ASB3: variants seen among roughly 807,000 people sequenced by gnomAD.
ASB3 encodes the protein ankyrin repeat and SOCS box protein 3.
A neutral mutation model predicts 54.5 loss-of-function variants in ASB3; 41 were observed. That is an observed-to-expected ratio of 0.75 (90% CI 0.59 to 0.98). ASB3 has a LOEUF of 0.98. Among genes scored for constraint, ASB3 ranks in the 50% least tolerant of loss-of-function variants. The probability of loss-of-function intolerance (pLI) is 0.00; values close to 1 mark genes in which losing one functional copy is unlikely to be tolerated. For missense variants in ASB3, 733 were observed against 620.0 expected (o/e 1.18, Z -1.94); for synonymous variants, 266 against 221.2 (o/e 1.20, Z -1.80).
intron 1 of ASB3, chr2:53,771,852 C>G: frequency 1.1e-6 from 1 of 943,906 alleles, no homozygotes; most frequent in East Asian, 2.4e-5. Context: ...TAATGCTCAG[C>G]TACTTAATGA....
In ASB3 at chr2:53,756,362, T is replaced by C. The variant is rs79139007; in HGVS notation, c.197-5421A>G. The stretch of plus-strand genomic sequence containing the variant: ...TTAAGCTAGTTTGAACTAGGTTTCT[T>C]TCACTCAGTACTGAAAGAATCCTGA... On this transcript the variant is annotated intron_variant, in intron 2 of 9. Transcript: ENST00000263634. Among the ~76,000 whole-genome samples the C allele has an allele frequency of 5.1e-3, 772 of 152,280 alleles. 7 individuals carry two copies. Among genetic ancestry groups the C allele is most frequent in the African/African-American group, 0.018 (732 of 41,556 alleles).
intron 5 of ASB3, among the ~76,000 whole-genome samples, chr2:53,718,745 C>T (rs1371592842): frequency 1.3e-5 from 2 of 150,302 alleles, no homozygotes; most frequent in Non-Finnish European, 3.0e-5. Context: ...CTAAAAGGCA[C>T]ACAGCTGCAA....
intron 3 of ASB3, among the ~76,000 whole-genome samples, chr2:53,750,416 T>A (rs1672452132): frequency 6.6e-6 from 1 of 152,124 alleles, no homozygotes; most frequent in South Asian, 2.1e-4. Flanking sequence ...AGCTTCTTAA[T>A]TTTTTAATGT....
At chr2:53,776,269 C>T (rs141726478) in intron 1 of ASB3, among the ~76,000 whole-genome samples, 104 of 152,228 alleles carry the variant, frequency 6.8e-4, no homozygotes, top group African/African-American at 2.4e-3. Context: ...GTTTTCCAGA[C>T]GGCATTTCAC....
At chr2:53,694,134 A>T (rs1669062458) in intron 8 of ASB3, 120 bp from the exon 9 acceptor site, 2 of 1,146,808 alleles carry the variant, frequency 1.7e-6, no homozygotes, top group African/African-American at 3.2e-5. Flanking sequence ...ACAGAAAACC[A>T]GGGCATGTTA....
At chr2:53,733,448 T>A (rs534053125) in intron 3 of ASB3, among the ~76,000 whole-genome samples, 45 of 147,890 alleles carry the variant, frequency 3.0e-4, no homozygotes, top group African/African-American at 1.0e-3. Context: ...CCACTTCCTT[T>A]TTTTTTTTTT....
chr2:53,677,631 C>T (rs191172167), intron 9 of ASB3, among the ~76,000 whole-genome samples: 41 of 152,246 alleles, frequency 2.7e-4, no homozygotes, highest in Admixed American at 2.6e-4. Flanking sequence ...ACATGAGTTT[C>T]CCCAATGGTC....
chr2:53,721,398 C>CAAAAAA (rs1195017138), intron 5 of ASB3, among the ~76,000 whole-genome samples: 7 of 87,354 alleles, frequency 8.0e-5, no homozygotes, highest in Non-Finnish European at 1.4e-4. Flanking sequence ...TACTAAACTA[C>CAAAAAA]AAAAAAAAAA....
intron 1 of ASB3, among the ~76,000 whole-genome samples, chr2:53,771,237 G>A (rs189468321): frequency 2.6e-5 from 4 of 152,254 alleles, no homozygotes; most frequent in Non-Finnish European, 4.4e-5. Context: ...ACTATAGGCC[G>A]GGTGCGGTGG....
Position 53,753,616 on chromosome 2 carries a change from C to A in ASB3, c.197-2675G>T, listed in dbSNP as rs1344087564. 2.0e-5 allele frequency among the ~76,000 whole-genome samples: 3 copies of A among 151,774 alleles called. No individual in the cohort carries two copies. The East Asian group carries it at 5.8e-4, about 29-fold the overall frequency. On this transcript the variant is annotated intron_variant, in intron 2 of 9. Coordinates refer to ENST00000263634, the MANE Select transcript of ASB3 (RefSeq NM_016115.5). The stretch of plus-strand genomic sequence containing the variant: ...GACAGTCCAGTAGCAACAAGCACAC[C>A]CAGTCCTCAGATCTTGGTTTTCTCT...
chr2:53,734,401 T>TA (rs968621805), intron 3 of ASB3, among the ~76,000 whole-genome samples: 2 of 152,228 alleles, frequency 1.3e-5, no homozygotes, highest in African/African-American at 2.4e-5. Context: ...TTTCTTTTTT[T>TA]ACCACTGAAC....
At chr2:53,691,967 G>C (rs544946847) in intron 9 of ASB3, among the ~76,000 whole-genome samples, 4 of 152,230 alleles carry the variant, frequency 2.6e-5, no homozygotes, top group Non-Finnish European at 5.9e-5. Context: ...AAGAGTCACT[G>C]TGGATCCAGA....
chr2:53,712,720 G>T lies in ASB3; in HGVS notation c.980+1664C>A, dbSNP rs1311843279. Among the ~76,000 whole-genome samples, 17 of 151,896 alleles carry T rather than the reference G, an allele frequency of 1.1e-4. No individual in the cohort carries two copies. In the South Asian group the frequency reaches 3.3e-3, roughly 30 times the overall value. ...TGTTCATCCAAAAGATAAGATGAAG[G>T]CCAAAAAAGACCATCATCATATTGA... On this transcript the variant is annotated intron_variant, in intron 7 of 9. Coordinates refer to ENST00000263634, the MANE Select transcript of ASB3 (RefSeq NM_016115.5).
intron 9 of ASB3, among the ~76,000 whole-genome samples, chr2:53,676,903 G>C (rs1390124254): frequency 1.3e-5 from 2 of 152,108 alleles, no homozygotes; most frequent in Admixed American, 6.6e-5. Context: ...CGAGTTGCTG[G>C]GATTACAGGC....
At chr2:53,734,091 C>T (rs1671479658) in intron 3 of ASB3, among the ~76,000 whole-genome samples, 2 of 152,208 alleles carry the variant, frequency 1.3e-5, no homozygotes, top group African/African-American at 2.4e-5. Flanking sequence ...CCCTTGCCCT[C>T]ATTCCGGTAA....
intron 2 of ASB3, chr2:53,756,827 GTC>G (rs1473993337): frequency 3.3e-5 from 5 of 153,028 alleles, no homozygotes; most frequent in African/African-American, 1.2e-4. Flanking sequence ...CTGGCAGGGT[GTC>G]CACTGCACTT....
At chr2:53,730,193 T>C (rs140581407) in intron 3 of ASB3, among the ~76,000 whole-genome samples, 27 of 152,280 alleles carry the variant, frequency 1.8e-4, no homozygotes, top group African/African-American at 6.3e-4. Context: ...GCACTAATTA[T>C]GGAGGAATTT....
chr2:53,768,901 T>A (rs1458616500), intron 1 of ASB3, among the ~76,000 whole-genome samples: 1 of 152,148 alleles, frequency 6.6e-6, no homozygotes, highest in Non-Finnish European at 1.5e-5. Flanking sequence ...AATTGGTCAA[T>A]GGAAAGTGGA....
chr2:53,774,515 A>G (rs1260298949), intron 1 of ASB3: 4 of 1,536,324 alleles, frequency 2.6e-6, no homozygotes, highest in Non-Finnish European at 3.5e-6. Context: ...CAGAACCTCA[A>G]TTGCATATAA....
Sources: allele counts gnomAD v4.1 joint callset (sites outside exome capture counted in the v4.1 genomes callset), GRCh38; gene constraint gnomAD v4.1.1; transcripts MANE v1.5; gene names NCBI Gene and HGNC (gene_info 2026-07-23, HGNC 2026-07-21).